The following CACNA1H variants were observed in gnomAD, a reference collection of about 807,000 sequenced individuals.
The protein encoded by CACNA1H is calcium voltage-gated channel subunit alpha1 H, also known as voltage-dependent T-type calcium channel subunit alpha-1H.
A neutral mutation model predicts 192.5 loss-of-function variants in CACNA1H; 149 were observed. The observed-to-expected ratio is 0.77, with a 90% CI of 0.68 to 0.89. The LOEUF (loss-of-function observed/expected upper bound fraction) is 0.89, where lower values mean the gene tolerates loss of function less well. Ranked by LOEUF, CACNA1H falls within the 40% of genes least tolerant of loss-of-function variation. The pLI is 0.00. For missense variants in CACNA1H, 4,257 were observed against 3,423.5 expected (o/e 1.24, Z -6.08); for synonymous variants, 2,202 against 1,475.2 (o/e 1.49, Z -11.29).
Position 1,175,189 on chromosome 16 carries a change from G to A in CACNA1H, c.300-19783G>A, listed in dbSNP as rs116718958. Among the ~76,000 whole-genome samples the A allele has an allele frequency of 4.8e-3, 725 of 152,208 alleles. 9 individuals are homozygous for A. Among genetic ancestry groups the A allele is most frequent in the African/African-American group, 0.016 (684 of 41,530 alleles). On this transcript the variant is annotated intron_variant, in intron 2 of 34. Transcript: ENST00000348261. ...GCCAACGCCCACTGCCCCACGTGAC[G>A]TGAGGCCCTACTGTGCGCACAGGTT... is the stretch of plus-strand genomic sequence containing the variant.
intron 2 of CACNA1H, among the ~76,000 whole-genome samples, chr16:1,179,513 C>A (rs1234863214): frequency 6.6e-6 from 1 of 151,966 alleles, no homozygotes; most frequent in Non-Finnish European, 1.5e-5. Context: ...ACCCCAATCT[C>A]CGCCTCCCGG....
chr16:1,202,079 A>C lies in CACNA1H; in HGVS notation c.1629A>C (p.Pro543=), dbSNP rs1168814735. The C allele has an allele frequency of 6.5e-7, 1 of 1,541,618 alleles. No homozygotes were observed. Among genetic ancestry groups the C allele is most frequent in the East Asian group, 2.5e-5 (1 of 40,778 alleles). Residue 543 remains proline (P), a synonymous_variant, in exon 9 of 35, where the codon CCA becomes CCC. Coordinates refer to ENST00000348261, the MANE Select transcript of CACNA1H (RefSeq NM_021098.3). ...GCCCCCGCAGGCCCGGCCCCGAGCC[A>C]GGCGCCTGCGACACCAGGCTGGTCC... ...HGSPRRPGPE[P]GACDTRLVRA... is the part of the protein sequence containing the mutation.
In CACNA1H at chr16:1,211,697, C is replaced by A; in HGVS notation, c.4477-19C>A. 1 of 1,612,338 alleles carries A rather than the reference C, an allele frequency of 6.2e-7. No homozygotes were observed. The highest frequency in any genetic ancestry group is 8.5e-7 in the Non-Finnish European group (1 of 1,179,602). On this transcript the variant is annotated intron_variant, in intron 23 of 34. Transcript: ENST00000348261. The stretch of plus-strand genomic sequence containing the variant: ...CCCCAGCTCTAACCCTCGCCAGTGA[C>A]CCTGGCTCTGGCCCTCAGGCCCTGA...
chr16:1,201,600 G>A, intron 8 of CACNA1H, 63 bp from the exon 9 acceptor site: 1 of 1,494,702 alleles, frequency 6.7e-7, no homozygotes, highest in Non-Finnish European at 9.0e-7. Context: ...CGCACAGTAG[G>A]GCTCAGTGGC....
At chr16:1,154,614 A>T (rs1962052504) in intron 2 of CACNA1H, among the ~76,000 whole-genome samples, 1 of 150,894 alleles carries the variant, frequency 6.6e-6, no homozygotes, top group South Asian at 2.1e-4. Flanking sequence ...TTCTGGCTGA[A>T]CTCGGTGGCG....
At chr16:1,192,537 C>T (rs1966715509) in intron 2 of CACNA1H, among the ~76,000 whole-genome samples, 3 of 152,236 alleles carry the variant, frequency 2.0e-5, no homozygotes, top group Admixed American at 6.5e-5. Context: ...GTCAGCATTC[C>T]CCTCAGTGCC....
chr16:1,160,047 A>C (rs763173431), intron 2 of CACNA1H: 1 of 152,176 alleles, frequency 6.6e-6, no homozygotes, highest in African/African-American at 2.4e-5. Context: ...CCTGTCAAAC[A>C]CTCCGGGGAT....
chr16:1,200,096 C>T (rs114319122), intron 6 of CACNA1H, among the ~76,000 whole-genome samples, 160 bp from the exon 7 acceptor site: 1 of 152,090 alleles, frequency 6.6e-6, no homozygotes, highest in Non-Finnish European at 1.5e-5. Flanking sequence ...TATCATGCCC[C>T]CTGACCCTAA....
intron 9 of CACNA1H, among the ~76,000 whole-genome samples, chr16:1,202,702 T>A (rs1968122276): frequency 6.6e-6 from 1 of 151,802 alleles, no homozygotes; most frequent in African/African-American, 2.4e-5. Context: ...GAGGTGGGAT[T>A]TTGAATCTGA....
intron 2 of CACNA1H, among the ~76,000 whole-genome samples, chr16:1,177,998 T>TCC: frequency 2.0e-5 from 1 of 51,250 alleles, no homozygotes; most frequent in East Asian, 5.0e-4. Flanking sequence ...CCGCCCCCTC[T>TCC]CCCTGAGGCC....
In CACNA1H at chr16:1,206,197, A is replaced by G; in HGVS notation, c.2697A>G (p.Pro899=). The part of the protein sequence containing the change: ...LRVLKLVRFL[P]ALRRQLVVLV... Reference sequence around the variant, plus strand: ...TGCTGAAGCTGGTGCGCTTTCTGCCAGCCCTGCGGCGCCAGCTCGTGGTGC... The same window carrying G: ...TGCTGAAGCTGGTGCGCTTTCTGCCGGCCCTGCGGCGCCAGCTCGTGGTGC... Residue 899 remains proline (P), a synonymous_variant, in exon 12 of 35, where the codon CCA becomes CCG. Transcript: ENST00000348261. 1 of 1,594,200 alleles carries G rather than the reference A, an allele frequency of 6.3e-7. No homozygotes were observed. Among genetic ancestry groups the G allele is most frequent in the South Asian group, 1.1e-5 (1 of 87,258 alleles).
chr16:1,161,651 C>T (rs777553981), intron 2 of CACNA1H, among the ~76,000 whole-genome samples: 4 of 152,196 alleles, frequency 2.6e-5, no homozygotes, highest in African/African-American at 9.6e-5. Context: ...TCTGTCATCT[C>T]GGTCACTGAT....
At position 1,207,127 on chromosome 16, in the gene CACNA1H, C is replaced by T. The variant is rs200631961; in HGVS notation, c.2907+9C>T. ...TCGTCACCGTGTTCCAGGTAGTGCCCGGGGTCCCCGCAGCAGTGTTGGGTG... is the reference window on the plus strand; with the variant it reads ...TCGTCACCGTGTTCCAGGTAGTGCCTGGGGTCCCCGCAGCAGTGTTGGGTG... On this transcript the variant is annotated intron_variant, in intron 13 of 34. Transcript: ENST00000348261. 1.0e-4 allele frequency: 162 copies of T among 1,574,330 alleles called. 1 individual carries two copies. The Admixed American group carries it at 1.5e-3, about 14-fold the overall frequency.
chr16:1,194,915 G>T, intron 2 of CACNA1H, 57 bp from the exon 3 acceptor site: 3 of 1,293,092 alleles, frequency 2.3e-6, no homozygotes, highest in Non-Finnish European at 1.1e-6. Context: ...CATTTGGAGG[G>T]CCCCATGGGA....
chr16:1,154,811 G>A (rs1962086322), intron 2 of CACNA1H, among the ~76,000 whole-genome samples: 1 of 152,198 alleles, frequency 6.6e-6, no homozygotes, highest in Non-Finnish European at 1.5e-5. Context: ...AGGGCCAGGG[G>A]CATTTGTGGG....
chr16:1,153,733 C>G lies in CACNA1H; in HGVS notation c.-5C>G. ...TGTCCTCTGCAGGTGCTGCCGGCCG[C>G]CACCATGACCGAGGGCGCACGGGCC... On this transcript the variant is annotated 5_prime_UTR_variant, in exon 2 of 35. Coordinates refer to ENST00000348261, the MANE Select transcript of CACNA1H (RefSeq NM_021098.3). 1 of 1,206,870 alleles carries G rather than the reference C, an allele frequency of 8.3e-7. No individual in the cohort carries two copies. Among genetic ancestry groups the G allele is most frequent in the Non-Finnish European group, 1.0e-6 (1 of 972,190 alleles). 74.8% of individuals were successfully genotyped at this position (1,206,870 alleles called of 1,614,324 possible).
intron 34 of CACNA1H, among the ~76,000 whole-genome samples, chr16:1,219,772 G>T (rs957189685): frequency 8.6e-6 from 1 of 116,398 alleles, no homozygotes; most frequent in Admixed American, 9.1e-5. Context: ...AGCGGGTACA[G>T]GCTTTCCCCG....
rs771412437 is a variant in CACNA1H at position 1,209,286 on chromosome 16, G to A, written c.3618G>A (p.Pro1206=). The A allele has an allele frequency of 2.5e-4, 386 of 1,569,708 alleles. No homozygotes were observed. Among genetic ancestry groups the A allele is most frequent in the Middle Eastern group, 6.6e-4 (4 of 6,024 alleles). The change falls in exon 17 of 35, where the codon CCG becomes CCA. Residue 1206 remains proline (P), a synonymous_variant. Transcript: ENST00000348261. The part of the protein sequence containing the change: ...AESLDPRPLR[P]AALPPTKCRD... ...CCCTGGACCCACGGCCCCTGCGGCCGGCCGCCCTCCCGCCTACCAAGTGCC... is the reference window on the plus strand; with the variant it reads ...CCCTGGACCCACGGCCCCTGCGGCCAGCCGCCCTCCCGCCTACCAAGTGCC...
rs377223694 is a variant in CACNA1H at position 1,208,110 on chromosome 16, C to T, written c.3252C>T (p.Pro1084=). 2 of 1,594,884 alleles carry T rather than the reference C, an allele frequency of 1.3e-6. No individual in the cohort carries two copies. Among genetic ancestry groups the T allele is most frequent in the East Asian group, 2.3e-5 (1 of 43,626 alleles). The change falls in exon 16 of 35, where the codon CCC becomes CCT. Residue 1084 remains proline (P), a synonymous_variant. Coordinates refer to ENST00000348261, the MANE Select transcript of CACNA1H (RefSeq NM_021098.3). ...PPLIMCTAAT[P]MPTPKSSPFL... is the part of the protein sequence containing the mutation. Reference sequence around the variant, plus strand: ...TCATCATGTGCACAGCTGCCACGCCCATGCCTACCCCCAAGAGCTCACCAT... The same window carrying T: ...TCATCATGTGCACAGCTGCCACGCCTATGCCTACCCCCAAGAGCTCACCAT...
Sources: gnomAD v4.1 joint callset for allele counts (sites outside exome capture counted in the v4.1 genomes callset) on GRCh38, gnomAD v4.1.1 for gene constraint, MANE v1.5 for transcripts, NCBI Gene and HGNC (gene_info 2026-07-23, HGNC 2026-07-21) for gene names.